Variants in SHPRH observed in about 807,000 individuals in gnomAD.
The protein encoded by SHPRH is SNF2 histone linker PHD RING helicase, also known as E3 ubiquitin-protein ligase SHPRH.
SHPRH carries 106 observed loss-of-function variants against 202.5 expected under a neutral mutation model. The ratio of observed to expected loss-of-function variants is 0.52; its 90% CI spans 0.45 to 0.62. The LOEUF is 0.62. Among genes scored for constraint, SHPRH ranks in the 20% least tolerant of loss-of-function variants. The probability of loss-of-function intolerance (pLI) is 0.00; values close to 1 mark genes in which losing one functional copy is unlikely to be tolerated. For missense variants in SHPRH, 1,710 were observed against 2,020.0 expected (o/e 0.85, Z 2.94); for synonymous variants, 729 against 686.0 (o/e 1.06, Z -0.98).
chr6:145,930,280 G>T lies in SHPRH; in HGVS notation c.3112+2777C>A, dbSNP rs562383338. 1.4e-4 allele frequency among the ~76,000 whole-genome samples: 21 copies of T among 152,172 alleles called. No homozygotes were observed. The East Asian group carries it at 4.0e-3, about 29-fold the overall frequency. ...CTACAAAAAGCACACATTTCTTTGG[G>T]CAACTGATTTCTTTGTACTTCATTT... On this transcript the variant is annotated intron_variant, in intron 14 of 29. Transcript: ENST00000275233.
chr6:145,947,443 T>TCCGAGAAC, intron 6 of SHPRH, 50 bp downstream of exon 6: 4 of 1,578,564 alleles, frequency 2.5e-6, no homozygotes, highest in Non-Finnish European at 3.4e-6. Context: ...TACGATGCTT[T>TCCGAGAAC]TCGAGAACAT....
chr6:145,913,592 C>G (rs1384131211), intron 23 of SHPRH, 43 bp from the exon 24 acceptor site: 1 of 1,506,674 alleles, frequency 6.6e-7, no homozygotes, highest in Non-Finnish European at 9.1e-7. Context: ...TACGTTTTTA[C>G]ATATAAAACC....
At chr6:145,919,874 A>G (rs1289115699) in intron 21 of SHPRH, among the ~76,000 whole-genome samples, 2 of 152,132 alleles carry the variant, frequency 1.3e-5, no homozygotes, top group African/African-American at 4.8e-5. Context: ...AGTACTCATC[A>G]TTTAATTGAA....
At chr6:145,941,482 C>G in intron 10 of SHPRH, 141 bp downstream of exon 10, 1 of 1,284,564 alleles carries the variant, frequency 7.8e-7, no homozygotes, top group South Asian at 1.5e-5. Flanking sequence ...GAGAAAAGCA[C>G]AAGTAGTGTT....
In SHPRH at chr6:145,941,801, G is replaced by C; in HGVS notation, c.2312C>G (p.Thr771Ser). 1 of 1,613,934 alleles carries C rather than the reference G, an allele frequency of 6.2e-7. No homozygotes were observed. Among genetic ancestry groups the C allele is most frequent in the Non-Finnish European group, 8.5e-7 (1 of 1,179,960 alleles). ...TAATTCTGAACGCAGTACATCATAG[G>C]TAATGATAACTATATCCTGTTCTGC... ...FLAEQDIVII[T>S]YDVLRSELNY... Residue 771 changes from threonine to serine, a missense_variant, in exon 10 of 30, where the codon ACC becomes AGC. Thr to Ser is a moderately conservative substitution (Grantham distance 58). Around this residue, in one of 8 missense-constraint regions of SHPRH, gnomAD observed 277 missense variants for 363.0 expected, o/e 0.76. Transcript: ENST00000275233.
intron 11 of SHPRH, 131 bp downstream of exon 11, chr6:145,940,592 G>T: frequency 1.2e-6 from 1 of 808,504 alleles, no homozygotes; most frequent in Non-Finnish European, 1.9e-6. Context: ...GAAACTATTA[G>T]GAGTCAACTA....
chr6:145,923,510 T>A, intron 18 of SHPRH, 133 bp downstream of exon 18: 1 of 1,106,916 alleles, frequency 9.0e-7, no homozygotes, highest in Non-Finnish European at 1.2e-6. Flanking sequence ...AAAAAAGAAG[T>A]ATGAATGTGT....
chr6:145,907,356 GCCT>G (rs1783056634), intron 25 of SHPRH: 1 of 152,100 alleles, frequency 6.6e-6, no homozygotes, highest in Admixed American at 6.6e-5. Flanking sequence ...TCCTGCTGTA[GCCT>G]CCTAAGCTGC....
chr6:145,873,184 A>AC (rs1780133394), intron 2 of SHPRH, among the ~76,000 whole-genome samples: 2 of 152,236 alleles, frequency 1.3e-5, no homozygotes, highest in Admixed American at 1.3e-4. Flanking sequence ...ACTTAAAATA[A>AC]AAGTTGGAAA....
At chr6:145,875,397 G>A (rs890880952) in intron 2 of SHPRH, among the ~76,000 whole-genome samples, 5 of 152,218 alleles carry the variant, frequency 3.3e-5, no homozygotes, top group African/African-American at 1.2e-4. Flanking sequence ...TGCTGAGGTT[G>A]AGAATTCTTG....
chr6:145,863,161 C>T (rs1353798475), downstream of SHPRH, among the ~76,000 whole-genome samples: 1 of 152,054 alleles, frequency 6.6e-6, no homozygotes, highest in Non-Finnish European at 1.5e-5. Flanking sequence ...GCAAAAAGAT[C>T]AATTATATAT....
At position 145,870,508 on chromosome 6, in the gene SHPRH, C is replaced by T. The variant is rs1277630368; in HGVS notation, c.222-6017G>A. On this transcript the variant is annotated intron_variant, in intron 2 of 2. Coordinates refer to the SHPRH transcript ENST00000417762. ...TGATCTCCTGACCTTGTGATCCACCCGCCTCAGCCTCCCAAAGTGCTGGGA... is the reference window on the plus strand; with the variant it reads ...TGATCTCCTGACCTTGTGATCCACCTGCCTCAGCCTCCCAAAGTGCTGGGA... Among the ~76,000 whole-genome samples the T allele has an allele frequency of 2.6e-5, 4 of 152,042 alleles. No individual in the cohort carries two copies. The East Asian group carries it at 5.8e-4, about 22-fold the overall frequency.
chr6:145,929,734 A>G (rs981001263), intron 14 of SHPRH, among the ~76,000 whole-genome samples: 1 of 152,064 alleles, frequency 6.6e-6, no homozygotes, highest in Admixed American at 6.6e-5. Flanking sequence ...AATGCCCTAG[A>G]GGGAAGATTT....
chr6:145,891,451 A>T (rs1296921320), intron 28 of SHPRH, among the ~76,000 whole-genome samples: 1 of 151,980 alleles, frequency 6.6e-6, no homozygotes, highest in Non-Finnish European at 1.5e-5. Flanking sequence ...ACCCTGCTCT[A>T]CTTTTCCAGC....
chr6:145,893,336 GC>G lies in SHPRH; in HGVS notation c.4752del (p.His1585ThrfsTer7). ...ATAGTTAATCCATTAGAACCTGTGT[GC>G]AGGGGCAGCAGCAAAATATTGATTT... ...DPQINILLLP[L>X]HTGSNGLTII... On this transcript the variant is annotated frameshift_variant, in exon 28 of 30. Transcript: ENST00000275233. LOFTEE classifies it high-confidence loss of function. 6.2e-7 allele frequency: 1 copy of G among 1,600,916 alleles called. No homozygotes were observed. The highest frequency in any genetic ancestry group is 8.5e-7 in the Non-Finnish European group (1 of 1,175,136).
chr6:145,881,808 G>C (rs548016976), downstream of SHPRH, among the ~76,000 whole-genome samples: 1 of 152,044 alleles, frequency 6.6e-6, no homozygotes, highest in Non-Finnish European at 1.5e-5. Flanking sequence ...ATGGAAGAAA[G>C]GAAGGGAAAA....
intron 28 of SHPRH, among the ~76,000 whole-genome samples, chr6:145,892,817 G>A (rs1463706011): frequency 6.6e-6 from 1 of 152,016 alleles, no homozygotes; most frequent in African/African-American, 2.4e-5. Flanking sequence ...TACAAGGTAT[G>A]TCTTCTTTTA....
Position 145,955,006 on chromosome 6 carries a change from T to TA in SHPRH, c.316dup (p.Tyr106LeufsTer4). The TA allele has an allele frequency of 6.2e-7, 1 of 1,613,618 alleles. No individual in the cohort carries two copies. On this transcript the variant is annotated frameshift_variant, in exon 2 of 30. Coordinates refer to ENST00000275233, the MANE Select transcript of SHPRH (RefSeq NM_001042683.3). LOFTEE classifies it high-confidence loss of function. ...TGCTTTCCAGGAATTATCAAAATGA[T>TA]AGGGAGAAATCACAATATTTAACTT...
intron 23 of SHPRH, among the ~76,000 whole-genome samples, chr6:145,915,926 TC>T (rs1342544563): frequency 1.3e-5 from 2 of 152,044 alleles, no homozygotes; most frequent in Non-Finnish European, 2.9e-5. Flanking sequence ...CAAGCTTCTG[TC>T]CTATTCTCTT....
Sources: allele counts gnomAD v4.1 joint callset (sites outside exome capture counted in the v4.1 genomes callset), GRCh38; gene constraint gnomAD v4.1.1; regional missense constraint gnomAD v4.1.1; transcripts MANE v1.5; gene names NCBI Gene and HGNC (gene_info 2026-07-23, HGNC 2026-07-21).